The following MALRD1 variants were observed in gnomAD, a reference collection of about 807,000 sequenced individuals.
The protein encoded by MALRD1 is MAM and LDL receptor class A domain containing 1.
A neutral mutation model predicts 242.1 loss-of-function variants in MALRD1; 247 were observed. That is an observed-to-expected ratio of 1.02 (90% CI 0.92 to 1.13). MALRD1 has a LOEUF of 1.13. Ranked by LOEUF, MALRD1 falls within the 50% of genes most tolerant of loss-of-function variation. The pLI is 0.00. For synonymous variants in MALRD1, 995 were observed against 866.6 expected, an observed-to-expected ratio of 1.15 and a Z score of -2.60; for missense variants, 2,989 against 2,533.1, an observed-to-expected ratio of 1.18 and a Z score of -3.86.
At chr10:19,615,260 G>C (rs1839091106) in intron 35 of MALRD1, among the ~76,000 whole-genome samples, 1 of 151,894 alleles carries the variant, frequency 6.6e-6, no homozygotes, top group African/African-American at 2.4e-5. Context: ...GTTCACACCT[G>C]TAATCCTAGC....
At chr10:19,568,584 G>A (rs1836360270) in intron 33 of MALRD1, among the ~76,000 whole-genome samples, 2 of 151,992 alleles carry the variant, frequency 1.3e-5, no homozygotes, top group African/African-American at 4.8e-5. Context: ...TTCAGGGCCT[G>A]AGCATCCCCT....
chr10:19,444,260 C>G (rs1257030846), intron 28 of MALRD1, among the ~76,000 whole-genome samples: 1 of 152,136 alleles, frequency 6.6e-6, no homozygotes, highest in African/African-American at 2.4e-5. Context: ...GACTCTTTAT[C>G]CAATTTGCCA....
chr10:19,152,447 T>A (rs1055400416), intron 11 of MALRD1, among the ~76,000 whole-genome samples: 1 of 152,080 alleles, frequency 6.6e-6, no homozygotes, highest in Non-Finnish European at 1.5e-5. Context: ...TTTAATTCTA[T>A]TATCTTTCCA....
chr10:19,289,022 T>C (rs966630313), intron 21 of MALRD1, among the ~76,000 whole-genome samples: 1 of 152,110 alleles, frequency 6.6e-6, no homozygotes, highest in Admixed American at 6.6e-5. Flanking sequence ...ATGGCTCCAG[T>C]TTTTTATTTA....
At chr10:19,601,747 G>A (rs1009762794) in intron 34 of MALRD1, among the ~76,000 whole-genome samples, 7 of 151,998 alleles carry the variant, frequency 4.6e-5, no homozygotes, top group African/African-American at 1.4e-4. Context: ...ACCAGTCACA[G>A]TAGAAATTGG....
At chr10:19,579,438 A>T (rs10764083) in intron 33 of MALRD1, among the ~76,000 whole-genome samples, 77,137 of 151,976 alleles carry the variant, frequency 0.51, 19,669 homozygotes, top group Non-Finnish European at 0.53. Flanking sequence ...ACGGTATGTG[A>T]TGAGAGATGG....
intron 30 of MALRD1, among the ~76,000 whole-genome samples, chr10:19,498,150 A>G (rs2131245178): frequency 6.6e-6 from 1 of 152,356 alleles, no homozygotes; most frequent in Non-Finnish European, 1.5e-5. Flanking sequence ...TTAAACATCC[A>G]GACAACTGAA....
intron 18 of MALRD1, among the ~76,000 whole-genome samples, chr10:19,229,733 A>G (rs946635989): frequency 2.6e-5 from 4 of 152,154 alleles, no homozygotes; most frequent in East Asian, 3.9e-4. Flanking sequence ...GTGGTCACCA[A>G]TGCATTGTAG....
chr10:19,671,426 C>T (rs764503461), intron 36 of MALRD1, among the ~76,000 whole-genome samples: 34 of 151,918 alleles, frequency 2.2e-4, no homozygotes, highest in Admixed American at 1.9e-3. Flanking sequence ...GAGACCAGCC[C>T]GACCAACATG....
intron 36 of MALRD1, among the ~76,000 whole-genome samples, chr10:19,661,757 A>G (rs983065778): frequency 3.3e-5 from 5 of 152,236 alleles, no homozygotes. Flanking sequence ...CACGTTGTGC[A>G]CATGTACCCT....
At chr10:19,428,816 C>G in intron 28 of MALRD1, among the ~76,000 whole-genome samples, 1 of 152,152 alleles carries the variant, frequency 6.6e-6, no homozygotes, top group African/African-American at 2.4e-5. Context: ...GCTGTAGACT[C>G]TTTTAGATTT....
intron 19 of MALRD1, among the ~76,000 whole-genome samples, chr10:19,273,111 T>C (rs1840338554): frequency 6.6e-6 from 1 of 152,202 alleles, no homozygotes; most frequent in East Asian, 1.9e-4. Context: ...TGCCACACTG[T>C]CTTCCACAAT....
chr10:19,311,592 A>G (rs879525454), intron 21 of MALRD1, among the ~76,000 whole-genome samples: 5 of 151,496 alleles, frequency 3.3e-5, no homozygotes, highest in Non-Finnish European at 7.4e-5. Context: ...TAATATTTTT[A>G]TCAATAAAAT....
intron 26 of MALRD1, among the ~76,000 whole-genome samples, chr10:19,353,324 C>G (rs1040310382): frequency 3.3e-5 from 5 of 151,978 alleles, no homozygotes; most frequent in African/African-American, 4.8e-5. Context: ...ATTTTTTAAA[C>G]CATGAGTTTA....
chr10:19,088,271 C>G, intron 4 of MALRD1, 86 bp downstream of exon 4: 1 of 1,153,932 alleles, frequency 8.7e-7, no homozygotes, highest in Non-Finnish European at 1.1e-6. Flanking sequence ...AGTAAGGCAA[C>G]TGTCCCAGTT....
rs1368172721 is a variant in MALRD1, at chr10:19,238,291, A to G, written c.2992-19393A>G. ...ATATATAATATGTAATATACATAAT[A>G]TATATTATATATAATATGTAATATA... On this transcript the variant is annotated intron_variant, in intron 18 of 39. Transcript: ENST00000454679. Among the ~76,000 whole-genome samples the G allele has an allele frequency of 1.9e-3, 160 of 82,238 alleles. 1 individual carries two copies. The highest frequency in any genetic ancestry group is 7.9e-3 in the African/African-American group (154 of 19,382). 54.0% of individuals were successfully genotyped at this position (82,238 alleles called of 152,430 possible). A position where few individuals can be genotyped will look rare whatever the true frequency, so the allele number is the denominator to read the frequency against.
intron 36 of MALRD1, among the ~76,000 whole-genome samples, chr10:19,691,785 C>A (rs1231136162): frequency 6.6e-6 from 1 of 152,056 alleles, no homozygotes; most frequent in Non-Finnish European, 1.5e-5. Context: ...AGATTATTAA[C>A]CTGTTTCCAA....
chr10:19,612,511 T>C (rs1350914164), intron 35 of MALRD1, among the ~76,000 whole-genome samples: 5 of 151,998 alleles, frequency 3.3e-5, no homozygotes, highest in African/African-American at 1.2e-4. Context: ...CCTTCCTTGC[T>C]TTCCTCTTTC....
intron 19 of MALRD1, among the ~76,000 whole-genome samples, chr10:19,260,422 A>G (rs1839695857): frequency 6.6e-6 from 1 of 152,128 alleles, no homozygotes; most frequent in South Asian, 2.1e-4. Context: ...GACACATTTC[A>G]TAGAGGATGG....
Sources: allele counts gnomAD v4.1 joint callset (sites outside exome capture counted in the v4.1 genomes callset), GRCh38; gene constraint gnomAD v4.1.1; transcripts MANE v1.5; gene names NCBI Gene and HGNC (gene_info 2026-07-23, HGNC 2026-07-21).